The following SLC25A17 variants were observed in gnomAD, a reference collection of about 807,000 sequenced individuals.
SLC25A17 encodes the protein peroxisomal membrane protein PMP34.
A neutral mutation model predicts 38.5 loss-of-function variants in SLC25A17; 26 were observed. The observed-to-expected ratio is 0.68, with a 90% CI of 0.50 to 0.94. SLC25A17 has a LOEUF of 0.94. SLC25A17 is among the 40% of genes least tolerant of loss of function. SLC25A17 has a pLI of 0.00. For synonymous variants in SLC25A17, 139 were observed against 136.2 expected (o/e 1.02, Z -0.14); for missense variants, 333 against 372.7 (o/e 0.89, Z 0.88).
chr22:40,787,765 TAGGC>T (rs1365185314), intron 4 of SLC25A17, among the ~76,000 whole-genome samples: 3 of 151,490 alleles, frequency 2.0e-5, no homozygotes, highest in African/African-American at 7.3e-5. Flanking sequence ...ACAACAAAGA[TAGGC>T]AGGGAAAGTC....
chr22:40,792,838 T>C (rs1053376945), intron 3 of SLC25A17, among the ~76,000 whole-genome samples, 162 bp from the exon 4 acceptor site: 1 of 152,182 alleles, frequency 6.6e-6, no homozygotes, highest in Non-Finnish European at 1.5e-5. Context: ...TTCTGAAGGA[T>C]GTCCAAATCA....
At chr22:40,798,257 T>G (rs2057448166) in intron 2 of SLC25A17, 1 of 152,558 alleles carries the variant, frequency 6.6e-6, no homozygotes, top group Admixed American at 6.5e-5. Flanking sequence ...CAAAAAGCTC[T>G]GGAAAAGCTC....
intron 7 of SLC25A17, chr22:40,776,086 A>G: frequency 3.7e-6 from 1 of 269,610 alleles, no homozygotes; most frequent in Non-Finnish European, 7.3e-6. Context: ...CCCACCTCCA[A>G]TCATGCTATC....
intron 8 of SLC25A17, among the ~76,000 whole-genome samples, 168 bp downstream of exon 8, chr22:40,773,769 C>G (rs2057211860): frequency 1.3e-5 from 2 of 152,200 alleles, no homozygotes; most frequent in Non-Finnish European, 2.9e-5. Flanking sequence ...TGCTGTCATA[C>G]TGTACTAGGC....
chr22:40,819,161 C>G, intron 1 of SLC25A17, 34 bp downstream of exon 1: 1 of 1,612,482 alleles, frequency 6.2e-7, no homozygotes, highest in Non-Finnish European at 8.5e-7. Context: ...GCCTTATAAC[C>G]CGTTGCGGCC....
intron 7 of SLC25A17, among the ~76,000 whole-genome samples, chr22:40,774,852 T>C (rs1456354758): frequency 6.6e-6 from 1 of 152,190 alleles, no homozygotes; most frequent in Non-Finnish European, 1.5e-5. Flanking sequence ...TGAACTGGAA[T>C]ATTCTCACTA....
Position 40,789,980 on chromosome 22 carries a change from G to A in SLC25A17, c.334+2545C>T, listed in dbSNP as rs753882081. Among the ~76,000 whole-genome samples the A allele has an allele frequency of 6.6e-6, 1 of 151,716 alleles. No individual in the cohort carries two copies. Among genetic ancestry groups the A allele is most frequent in the Non-Finnish European group, 1.5e-5 (1 of 67,962 alleles). The stretch of plus-strand genomic sequence containing the variant: ...GACAAGACAACAGATGATGCTCACA[G>A]TCAACACAGACCCGTAGACTCTCCT... On this transcript the variant is annotated intron_variant, in intron 4 of 8. Coordinates refer to ENST00000435456, the MANE Select transcript of SLC25A17 (RefSeq NM_006358.4). This position sits in a 1 kb window ranked among gnomAD's most constrained non-coding sequence, Gnocchi z 4.5.
chr22:40,773,781 C>A (rs901842704), intron 8 of SLC25A17, among the ~76,000 whole-genome samples, 156 bp downstream of exon 8: 1 of 152,176 alleles, frequency 6.6e-6, no homozygotes, highest in Admixed American at 6.5e-5. Flanking sequence ...GTACTAGGCT[C>A]CTAAAATGGG....
chr22:40,802,715 T>C (rs946316219), intron 1 of SLC25A17, among the ~76,000 whole-genome samples: 4 of 152,186 alleles, frequency 2.6e-5, no homozygotes, highest in Admixed American at 6.5e-5. Context: ...CTGGAAAGAC[T>C]GGATCAAGAG....
At chr22:40,811,630 A>C (rs2057582337) in intron 1 of SLC25A17, among the ~76,000 whole-genome samples, 1 of 151,918 alleles carries the variant, frequency 6.6e-6, no homozygotes, top group South Asian at 2.1e-4. Context: ...GTGGCTTATG[A>C]TCATGGTGGA....
At chr22:40,774,226 C>CTT (rs568552474) in intron 7 of SLC25A17, among the ~76,000 whole-genome samples, 14 of 138,642 alleles carry the variant, frequency 1.0e-4, no homozygotes, top group African/African-American at 1.8e-4. Context: ...AAAATTTTTC[C>CTT]TTTTTTTTTT....
intron 4 of SLC25A17, among the ~76,000 whole-genome samples, chr22:40,787,217 G>GT (rs78154411): frequency 0.15 from 22,226 of 152,084 alleles, 1,712 homozygotes; most frequent in East Asian, 0.19. Flanking sequence ...GAAATAAGCA[G>GT]TAAGACTGTT....
At chr22:40,785,485 C>G (rs2057330226) in intron 4 of SLC25A17, among the ~76,000 whole-genome samples, 1 of 152,180 alleles carries the variant, frequency 6.6e-6, no homozygotes, top group African/African-American at 2.4e-5. Context: ...AAGGAGTTAT[C>G]CACATGGTTA....
At chr22:40,786,770 TC>T (rs1385484709) in intron 4 of SLC25A17, among the ~76,000 whole-genome samples, 1 of 152,188 alleles carries the variant, frequency 6.6e-6, no homozygotes, top group African/African-American at 2.4e-5. Flanking sequence ...AAAGGTTTGC[TC>T]ATGGATTGGA....
At chr22:40,813,704 A>G (rs1327903521) in intron 1 of SLC25A17, among the ~76,000 whole-genome samples, 1 of 152,214 alleles carries the variant, frequency 6.6e-6, no homozygotes, top group Non-Finnish European at 1.5e-5. Flanking sequence ...AGCCTGGGCG[A>G]CAGAGCGAGA....
intron 7 of SLC25A17, chr22:40,776,377 G>T: frequency 2.3e-6 from 1 of 441,278 alleles, no homozygotes; most frequent in East Asian, 7.3e-5. Flanking sequence ...CCTCCTGAGT[G>T]AACTAAAGGA....
rs750077097 is a variant in SLC25A17, at chr22:40,819,257, C to A, written c.-9G>T. 6.2e-7 allele frequency: 1 copy of A among 1,613,776 alleles called. No individual in the cohort carries two copies. The highest frequency in any genetic ancestry group is 8.5e-7 in the Non-Finnish European group (1 of 1,179,922). ...GACAGCACGGAAGCCATTGGTGCGG[C>A]TCCTCGAAGACCCAGCCACACTTTT... On this transcript the variant is annotated 5_prime_UTR_variant, in exon 1 of 9. Transcript: ENST00000435456.
chr22:40,810,641 A>G (rs2057571978), intron 1 of SLC25A17, among the ~76,000 whole-genome samples: 2 of 152,178 alleles, frequency 1.3e-5, no homozygotes. Flanking sequence ...GCCACCGAGC[A>G]TTAAATATTC....
rs141590703 is a variant in SLC25A17, at chr22:40,792,676, G to A, written c.183C>T (p.Leu61=). The change falls in exon 4 of 9, where the codon CTC becomes CTT. Residue 61 remains leucine (L), a splice_region_variant and synonymous_variant. Transcript: ENST00000435456. The stretch of plus-strand genomic sequence containing the variant: ...GAAACCACCCTCGATATGGTGCCAG[G>A]CTAGGGGAAAAACACAATAAGCAAA... The part of the protein sequence containing the change: ...VLLEIIKEEG[L]LAPYRGWFPV... 2.5e-6 allele frequency: 4 copies of A among 1,613,788 alleles called. No individual in the cohort carries two copies. The highest frequency in any genetic ancestry group is 2.5e-6 in the Non-Finnish European group (3 of 1,179,880).
Sources: allele counts gnomAD v4.1 joint callset (sites outside exome capture counted in the v4.1 genomes callset), GRCh38; gene constraint gnomAD v4.1.1; non-coding constraint Gnocchi (gnomAD v3.1); transcripts MANE v1.5; gene names NCBI Gene and HGNC (gene_info 2026-07-23, HGNC 2026-07-21).